Variants in SNTB2 observed in about 807,000 individuals in gnomAD.
SNTB2 encodes the protein beta-2-syntrophin.
Under a neutral mutation model 46.2 loss-of-function variants are expected in SNTB2, and 34 were observed. That is an observed-to-expected ratio of 0.74 (90% CI 0.56 to 0.98). The LOEUF is 0.98. SNTB2 is among the 50% of genes least tolerant of loss of function. The pLI, the probability that SNTB2 is intolerant of heterozygous loss-of-function variation, is 0.00. For synonymous variants in SNTB2, 290 were observed against 312.6 expected (o/e 0.93, Z 0.76); for missense variants, 603 against 731.4 (o/e 0.82, Z 2.02).
intron 1 of SNTB2, among the ~76,000 whole-genome samples, chr16:69,219,284 A>G (rs1964377167): frequency 6.6e-6 from 1 of 152,234 alleles, no homozygotes; most frequent in Non-Finnish European, 1.5e-5. Flanking sequence ...AAATTAGATC[A>G]GGACCATCAA....
At chr16:69,268,019 T>C (rs1481913561) in intron 3 of SNTB2, among the ~76,000 whole-genome samples, 1 of 152,208 alleles carries the variant, frequency 6.6e-6, no homozygotes, top group African/African-American at 2.4e-5. Context: ...ACAGGGCTTT[T>C]CTTGAATATA....
intron 2 of SNTB2, among the ~76,000 whole-genome samples, chr16:69,251,583 A>G (rs1384443205): frequency 6.6e-6 from 1 of 151,626 alleles, no homozygotes; most frequent in Admixed American, 6.6e-5. Flanking sequence ...GTTCAAGACC[A>G]GCCTGACCAA....
chr16:69,201,497 AT>A (rs1267275063), intron 1 of SNTB2, among the ~76,000 whole-genome samples: 1 of 152,172 alleles, frequency 6.6e-6, no homozygotes, highest in Non-Finnish European at 1.5e-5. Context: ...TTAGTAAGGT[AT>A]TTTATCCATT....
Position 69,299,565 on chromosome 16 carries a change from A to C in SNTB2, c.1346-25A>C, listed in dbSNP as rs942817592. The C allele has an allele frequency of 1.9e-6, 3 of 1,606,176 alleles. No homozygotes were observed. The African/African-American group carries it at 4.0e-5, about 22-fold the overall frequency. ...TAACTGACATAGCAACTTTACAACT[A>C]ATGTTTTTTGCTTTTCTTCAACAGG... On this transcript the variant is annotated intron_variant, in intron 5 of 6. Transcript: ENST00000336278.
intron 4 of SNTB2, among the ~76,000 whole-genome samples, chr16:69,278,924 G>A (rs1965008970): frequency 6.6e-6 from 1 of 150,786 alleles, no homozygotes; most frequent in Non-Finnish European, 1.5e-5. Context: ...GTGTGTGTGT[G>A]TGTGTGTGTT....
chr16:69,247,442 T>G (rs532256084), intron 2 of SNTB2, among the ~76,000 whole-genome samples: 1 of 152,326 alleles, frequency 6.6e-6, no homozygotes, highest in East Asian at 1.9e-4. Flanking sequence ...TAATGTGTTT[T>G]CACTATTATG....
At chr16:69,281,502 T>G (rs543076723) in intron 4 of SNTB2, among the ~76,000 whole-genome samples, 11 of 151,620 alleles carry the variant, frequency 7.3e-5, no homozygotes, top group East Asian at 1.9e-4. Context: ...TTTTTTTGTT[T>G]TTTTTTTTTT....
At chr16:69,276,645 C>A (rs1964987721) in intron 4 of SNTB2, among the ~76,000 whole-genome samples, 1 of 152,178 alleles carries the variant, frequency 6.6e-6, no homozygotes, top group Admixed American at 6.6e-5. Flanking sequence ...AAGCAGTTCT[C>A]AAAGTATACT....
chr16:69,263,746 G>C (rs976832708), intron 3 of SNTB2, among the ~76,000 whole-genome samples: 2 of 151,968 alleles, frequency 1.3e-5, no homozygotes, highest in Non-Finnish European at 2.9e-5. Context: ...AAATTTTTTT[G>C]AGTCCACCAA....
chr16:69,290,193 A>G (rs1220271314), intron 5 of SNTB2, among the ~76,000 whole-genome samples: 1 of 152,182 alleles, frequency 6.6e-6, no homozygotes, highest in Non-Finnish European at 1.5e-5. Context: ...CCTGCTTGCA[A>G]GTATGAACTT....
At chr16:69,296,512 G>A (rs1965225648) in intron 5 of SNTB2, among the ~76,000 whole-genome samples, 2 of 151,774 alleles carry the variant, frequency 1.3e-5, no homozygotes, top group Admixed American at 6.6e-5. Flanking sequence ...CCTGAGGTCA[G>A]GAGTTTGAGA....
chr16:69,215,779 A>T (rs1386498684), intron 1 of SNTB2, among the ~76,000 whole-genome samples: 2 of 152,116 alleles, frequency 1.3e-5, no homozygotes, highest in Admixed American at 1.3e-4. Flanking sequence ...TTGCATGCAT[A>T]GATCAGATAC....
At chr16:69,287,849 ACT>A (rs748305850) in intron 5 of SNTB2, among the ~76,000 whole-genome samples, 80 of 151,548 alleles carry the variant, frequency 5.3e-4, no homozygotes, top group Admixed American at 1.4e-3. Context: ...ACAGTGGGAA[ACT>A]CTGTCTCAAA....
Position 69,260,271 on chromosome 16 carries a change from A to T in SNTB2, c.1005+11A>T, listed in dbSNP as rs771348854. 1 of 1,613,270 alleles carries T rather than the reference A, an allele frequency of 6.2e-7. No homozygotes were observed. Among genetic ancestry groups the T allele is most frequent in the Admixed American group, 1.7e-5 (1 of 59,928 alleles). ...TGGCTGGCAGAACAGGTAGGCTGGG[A>T]GGCAGGGCAGAGTATCACCTGGTTC... is the stretch of plus-strand genomic sequence containing the variant. On this transcript the variant is annotated intron_variant, in intron 3 of 6. Coordinates refer to ENST00000336278, the MANE Select transcript of SNTB2 (RefSeq NM_006750.4).
In SNTB2 at chr16:69,247,959, T is replaced by G. The variant is rs1035864730; in HGVS notation, c.794+2144T>G. 2.6e-5 allele frequency among the ~76,000 whole-genome samples: 4 copies of G among 152,000 alleles called. No individual in the cohort carries two copies. The South Asian group carries it at 6.2e-4, about 24-fold the overall frequency. On this transcript the variant is annotated intron_variant, in intron 2 of 6. Transcript: ENST00000336278. ...ACAGTGAGACCTCGCCTCTACAGGA[T>G]TTTTTAAAAAAAAATTAGCCAGGCA...
At chr16:69,225,881 C>G (rs1331250916) in intron 1 of SNTB2, among the ~76,000 whole-genome samples, 1 of 151,834 alleles carries the variant, frequency 6.6e-6, no homozygotes, top group Non-Finnish European at 1.5e-5. Context: ...GATTCTCCTA[C>G]CTCGGCCTCC....
chr16:69,210,140 C>T (rs1362567802), intron 1 of SNTB2, among the ~76,000 whole-genome samples: 4 of 151,022 alleles, frequency 2.6e-5, no homozygotes, highest in Non-Finnish European at 5.9e-5. Flanking sequence ...TCTCCTGCCT[C>T]ACCCTCCCAA....
At chr16:69,236,501 A>G (rs1964561925) in intron 1 of SNTB2, among the ~76,000 whole-genome samples, 1 of 152,118 alleles carries the variant, frequency 6.6e-6, no homozygotes, top group African/African-American at 2.4e-5. Flanking sequence ...GGATAGGGGA[A>G]TGGGGAGTAA....
intron 1 of SNTB2, among the ~76,000 whole-genome samples, chr16:69,192,519 GT>G (rs1964065321): frequency 2.0e-5 from 3 of 152,132 alleles, no homozygotes; most frequent in South Asian, 4.1e-4. Flanking sequence ...AAAAATTTTA[GT>G]TTATAAACAG....
Sources: gnomAD v4.1 joint callset for allele counts (sites outside exome capture counted in the v4.1 genomes callset) on GRCh38, gnomAD v4.1.1 for gene constraint, MANE v1.5 for transcripts, NCBI Gene and HGNC (gene_info 2026-07-23, HGNC 2026-07-21) for gene names.